RASGEF1C: variants seen among roughly 807,000 people sequenced by gnomAD.
RASGEF1C encodes the protein ras-GEF domain-containing family member 1C.
In RASGEF1C, 27 loss-of-function variants were observed where a neutral mutation model predicts 58.1. The ratio of observed to expected loss-of-function variants is 0.46; its 90% confidence interval spans 0.34 to 0.64. The LOEUF is 0.64. RASGEF1C is among the 30% of genes least tolerant of loss of function. The pLI is 0.01. For synonymous variants in RASGEF1C, 243 were observed against 246.3 expected, an observed-to-expected ratio of 0.99 and a Z score of 0.13; for missense variants, 502 against 605.1, an observed-to-expected ratio of 0.83 and a Z score of 1.79.
rs1277933969 is a variant in RASGEF1C at position 180,197,042 on chromosome 5, C to T, written c.-7+11986G>A. ...CCCGAGGCTGGCGTCGGTGAGGCTC[C>T]CCTCAGACCTCACCACAGGGCAGGG... On this transcript the variant is annotated intron_variant, in intron 1 of 13. Coordinates refer to ENST00000361132, the MANE Select transcript of RASGEF1C (RefSeq NM_175062.4). This position sits in a 1 kb window ranked among gnomAD's most constrained non-coding sequence, Gnocchi z 4.7. 6.6e-6 allele frequency among the ~76,000 whole-genome samples: 1 copy of T among 152,216 alleles called. No homozygotes were observed. Among genetic ancestry groups the T allele is most frequent in the Non-Finnish European group, 1.5e-5 (1 of 68,046 alleles).
intron 12 of RASGEF1C, among the ~76,000 whole-genome samples, chr5:180,110,207 C>T (rs564857190): frequency 2.0e-5 from 3 of 152,234 alleles, no homozygotes; most frequent in South Asian, 4.1e-4. Context: ...TCGCACAGCT[C>T]GCTGGGGTGG....
intron 1 of RASGEF1C, among the ~76,000 whole-genome samples, chr5:180,199,682 T>A (rs1305209075): frequency 8.6e-6 from 1 of 116,548 alleles, no homozygotes; most frequent in Non-Finnish European, 1.8e-5. Flanking sequence ...CTCCCTTCCC[T>A]TCCCCTCCCC....
At chr5:180,184,769 C>T (rs1020922077) in intron 1 of RASGEF1C, among the ~76,000 whole-genome samples, 3 of 152,050 alleles carry the variant, frequency 2.0e-5, no homozygotes, top group Admixed American at 6.6e-5. Context: ...ATATGATTAT[C>T]GGAATAGATT....
chr5:180,195,467 A>G (rs1309876837), intron 1 of RASGEF1C, among the ~76,000 whole-genome samples: 1 of 152,202 alleles, frequency 6.6e-6, no homozygotes, highest in Non-Finnish European at 1.5e-5. Context: ...TGCACGTGTC[A>G]AAAAGCACAA....
intron 1 of RASGEF1C, among the ~76,000 whole-genome samples, chr5:180,189,007 T>G (rs77526089): frequency 0.013 from 2,001 of 152,296 alleles, 18 homozygotes; most frequent in African/African-American, 0.03. Flanking sequence ...AATAAAACTG[T>G]TTTTATCTAC....
chr5:180,179,228 A>T (rs1393039236), intron 1 of RASGEF1C, among the ~76,000 whole-genome samples: 1 of 152,042 alleles, frequency 6.6e-6, no homozygotes, highest in Non-Finnish European at 1.5e-5. Context: ...GCTGACATAA[A>T]GGGAGCACTC....
chr5:180,191,905 C>G (rs1161382333), intron 1 of RASGEF1C, among the ~76,000 whole-genome samples: 2 of 152,174 alleles, frequency 1.3e-5, no homozygotes, highest in African/African-American at 2.4e-5. Flanking sequence ...CTCATCCTAG[C>G]CTGGGCATCC....
At chr5:180,164,428 A>T (rs1463150875) in intron 1 of RASGEF1C, among the ~76,000 whole-genome samples, 2 of 152,206 alleles carry the variant, frequency 1.3e-5, no homozygotes, top group Non-Finnish European at 2.9e-5. Flanking sequence ...GTACAATGTG[A>T]TGTTTTGATA....
chr5:180,161,030 G>A lies in RASGEF1C; in HGVS notation c.-6-22972C>T, dbSNP rs114088930. On this transcript the variant is annotated intron_variant, in intron 1 of 13. Coordinates refer to ENST00000361132, the MANE Select transcript of RASGEF1C (RefSeq NM_175062.4). ...GTGGGTGCAAAGAGAGGCCGGGAAG[G>A]GGCCCATCACTAAACATAGGGGCCC... Among the ~76,000 whole-genome samples, 484 of 152,332 alleles carry A rather than the reference G, an allele frequency of 3.2e-3. 5 individuals are homozygous for A. The highest frequency in any genetic ancestry group is 0.011 in the African/African-American group (437 of 41,582).
intron 6 of RASGEF1C, among the ~76,000 whole-genome samples, chr5:180,122,601 T>C (rs1206872123): frequency 6.6e-6 from 1 of 151,228 alleles, no homozygotes; most frequent in African/African-American, 2.4e-5. Flanking sequence ...ATTAGCTGGA[T>C]GTGGTGGTGG....
intron 1 of RASGEF1C, among the ~76,000 whole-genome samples, chr5:180,193,087 G>A (rs1260203360): frequency 1.0e-4 from 15 of 146,152 alleles, no homozygotes; most frequent in Non-Finnish European, 1.8e-4. Flanking sequence ...ACGGTGTCTT[G>A]CTCTTTCACC....
rs181876712 is a variant in RASGEF1C, at chr5:180,202,206, T to A, written c.-7+6822A>T. Among the ~76,000 whole-genome samples, 614 of 151,970 alleles carry A rather than the reference T, an allele frequency of 4.0e-3. 5 individuals are homozygous for A. Among genetic ancestry groups the A allele is most frequent in the African/African-American group, 0.014 (595 of 41,428 alleles). ...TAATAGTGTTCATTAAGGAAATTAA[T>A]GAAAACAACCATAAAACAAAAATAA... On this transcript the variant is annotated intron_variant, in intron 1 of 13. Coordinates refer to ENST00000361132, the MANE Select transcript of RASGEF1C (RefSeq NM_175062.4).
At chr5:180,182,336 A>C (rs1343843842) in intron 1 of RASGEF1C, among the ~76,000 whole-genome samples, 1 of 151,974 alleles carries the variant, frequency 6.6e-6, no homozygotes, top group African/African-American at 2.4e-5. Context: ...GACTTCAAGA[A>C]TGAAGCCGCG....
At position 180,209,146 on chromosome 5, in the gene RASGEF1C, G is replaced by GA. The variant is rs1474441176; in HGVS notation, c.-126_-125insT. ...CGCCGCCGCCGCCGCCGCCGCCGCC[G>GA]CCGCCCGACCGCCCGGCTCCCAGCG... On this transcript the variant is annotated 5_prime_UTR_variant, in exon 1 of 14. Transcript: ENST00000361132. The GA allele has an allele frequency of 5.7e-5, 6 of 104,484 alleles. No individual in the cohort carries two copies. The highest frequency in any genetic ancestry group is 9.6e-5 in the Admixed American group (1 of 10,438). The allele number at this position is 104,484 out of a possible 1,614,324, so 6.5% of individuals were successfully genotyped here.
intron 1 of RASGEF1C, among the ~76,000 whole-genome samples, chr5:180,202,909 A>G (rs1448889247): frequency 6.6e-6 from 1 of 151,978 alleles, no homozygotes; most frequent in Non-Finnish European, 1.5e-5. Context: ...TCACCGTGTT[A>G]GCCAGGATGG....
At chr5:180,102,953 G>A (rs1413286598) in intron 12 of RASGEF1C, among the ~76,000 whole-genome samples, 1 of 152,230 alleles carries the variant, frequency 6.6e-6, no homozygotes, top group Non-Finnish European at 1.5e-5. Context: ...TGGGATTTGG[G>A]TAGGAATTGC....
intron 1 of RASGEF1C, among the ~76,000 whole-genome samples, 180 bp downstream of exon 1, chr5:180,208,848 G>A (rs771492762): frequency 1.3e-5 from 2 of 151,064 alleles, no homozygotes; most frequent in Non-Finnish European, 3.0e-5. Flanking sequence ...CTACCCCCGC[G>A]CCTCCAGTCC....
chr5:180,127,593 C>G lies in RASGEF1C; in HGVS notation c.714+16G>C. ...GGTGAGGCTCACTTTTGGGACAGCC[C>G]GTAAGAGCCTCCTACCTTTGTGCTG... On this transcript the variant is annotated intron_variant, in intron 6 of 13. Coordinates refer to ENST00000361132, the MANE Select transcript of RASGEF1C (RefSeq NM_175062.4). The G allele has an allele frequency of 1.9e-6, 3 of 1,604,642 alleles. No homozygotes were observed. The African/African-American group carries it at 4.0e-5, about 21-fold the overall frequency.
rs925092018 is a variant in RASGEF1C, at chr5:180,143,131, G to A, written c.-6-5073C>T. Among the ~76,000 whole-genome samples, 1 of 152,150 alleles carries A rather than the reference G, an allele frequency of 6.6e-6. No homozygotes were observed. Among genetic ancestry groups the A allele is most frequent in the Non-Finnish European group, 1.5e-5 (1 of 68,016 alleles). The stretch of plus-strand genomic sequence containing the variant: ...TCAAGAGACAGCAGGCGAGGATTGT[G>A]TGGGGTCAGGTCTGCAGAGAGACAG... On this transcript the variant is annotated intron_variant, in intron 1 of 13. Coordinates refer to ENST00000361132, the MANE Select transcript of RASGEF1C (RefSeq NM_175062.4). The surrounding 1 kb of genome is among the most constrained non-coding windows in gnomAD (Gnocchi z 4.3).
Sources: gnomAD v4.1 joint callset for allele counts (sites outside exome capture counted in the v4.1 genomes callset) on GRCh38, gnomAD v4.1.1 for gene constraint, Gnocchi (gnomAD v3.1) non-coding constraint, MANE v1.5 for transcripts, NCBI Gene and HGNC (gene_info 2026-07-23, HGNC 2026-07-21) for gene names.